Variants in ZNF804B observed in about 807,000 individuals in gnomAD.
ZNF804B encodes the protein zinc finger 804B.
A neutral mutation model predicts 101.4 loss-of-function variants in ZNF804B; 80 were observed. That is an observed-to-expected ratio of 0.79 (90% CI 0.66 to 0.95). ZNF804B has a LOEUF of 0.95. ZNF804B is among the 40% of genes least tolerant of loss of function. ZNF804B has a pLI of 0.00. For missense variants in ZNF804B, 1,673 were observed against 1,561.9 expected (o/e 1.07, Z -1.20); for synonymous variants, 622 against 558.8 (o/e 1.11, Z -1.59).
At chr7:88,850,422 C>T (rs1791435541) in intron 1 of ZNF804B, among the ~76,000 whole-genome samples, 2 of 152,086 alleles carry the variant, frequency 1.3e-5, no homozygotes, top group African/African-American at 4.8e-5. Context: ...CGTGATTATT[C>T]AGTAGAGTTC....
intron 1 of ZNF804B, among the ~76,000 whole-genome samples, chr7:89,036,357 A>C (rs1218412417): frequency 6.6e-6 from 1 of 151,852 alleles, no homozygotes; most frequent in Non-Finnish European, 1.5e-5. Context: ...GTGCACAGAC[A>C]AAATGCTTAA....
At chr7:88,814,296 T>G (rs1442362870) in intron 1 of ZNF804B, among the ~76,000 whole-genome samples, 4 of 152,174 alleles carry the variant, frequency 2.6e-5, no homozygotes, top group African/African-American at 9.7e-5. Flanking sequence ...GAATAATGCA[T>G]GAAAGAATGT....
intron 1 of ZNF804B, chr7:88,794,029 G>C (rs1015073548): frequency 1.9e-6 from 1 of 540,398 alleles, no homozygotes; most frequent in Non-Finnish European, 3.0e-6. Context: ...TTAAAGTTTA[G>C]CTCAACATAC....
In ZNF804B at chr7:89,085,049, A is replaced by G. The variant is rs141455393; in HGVS notation, c.109-133106A>G. 3.9e-5 allele frequency among the ~76,000 whole-genome samples: 6 copies of G among 152,056 alleles called. No homozygotes were observed. The East Asian group carries it at 1.2e-3, about 29-fold the overall frequency. On this transcript the variant is annotated intron_variant, in intron 1 of 3. Coordinates refer to ENST00000333190, the MANE Select transcript of ZNF804B (RefSeq NM_181646.5). ...TCAAGGGGACAGACTGTTTCTGTAC[A>G]TGGTTTCATTTTCCTTGAACTTTCT... is the stretch of plus-strand genomic sequence containing the variant.
chr7:89,180,521 C>T (rs1319946694), intron 1 of ZNF804B, among the ~76,000 whole-genome samples: 1 of 151,978 alleles, frequency 6.6e-6, no homozygotes, highest in Non-Finnish European at 1.5e-5. Context: ...TCTTTCAAGG[C>T]AATGGGCTCC....
chr7:89,251,575 T>C (rs1020234652), intron 2 of ZNF804B, among the ~76,000 whole-genome samples: 8 of 152,174 alleles, frequency 5.3e-5, no homozygotes, highest in African/African-American at 1.9e-4. Flanking sequence ...ATGTTATTTT[T>C]CACAGAGCTA....
chr7:88,876,998 G>GA lies in ZNF804B; in HGVS notation c.108+116924dup, dbSNP rs1161171786. ...ACAGGAAATTATACAGAGAATATTTGAAAAAAAAAATATATATATATATAT... is the reference window on the plus strand; with the variant it reads ...ACAGGAAATTATACAGAGAATATTTGAAAAAAAAAAATATATATATATATAT... On this transcript the variant is annotated intron_variant, in intron 1 of 3. Transcript: ENST00000333190. Among the ~76,000 whole-genome samples, 481 of 53,802 alleles carry GA rather than the reference G, an allele frequency of 8.9e-3. 17 individuals are homozygous for GA. Among genetic ancestry groups the GA allele is most frequent in the African/African-American group, 0.039 (337 of 8,630 alleles). The allele number at this position is 53,802 out of a possible 152,430, so 35.3% of individuals were successfully genotyped here.
chr7:89,255,330 C>T (rs1789611242), intron 2 of ZNF804B, among the ~76,000 whole-genome samples: 1 of 152,128 alleles, frequency 6.6e-6, no homozygotes, highest in Non-Finnish European at 1.5e-5. Flanking sequence ...ATGGGGATTA[C>T]AATTCGAGGT....
intron 1 of ZNF804B, among the ~76,000 whole-genome samples, chr7:89,181,570 T>A (rs1287293841): frequency 1.3e-5 from 2 of 152,066 alleles, no homozygotes; most frequent in African/African-American, 4.8e-5. Context: ...TTCTGCGGAA[T>A]GGGGGAGGGG....
chr7:88,776,556 T>TTTC (rs1790143081), intron 1 of ZNF804B, among the ~76,000 whole-genome samples: 1 of 58,488 alleles, frequency 1.7e-5, no homozygotes, highest in Non-Finnish European at 2.6e-5. Flanking sequence ...TCTCGTGGTG[T>TTTC]TTTGTTTTTT....
intron 1 of ZNF804B, among the ~76,000 whole-genome samples, chr7:88,952,390 A>G (rs939499365): frequency 6.6e-6 from 1 of 151,878 alleles, no homozygotes; most frequent in Non-Finnish European, 1.5e-5. Context: ...ATAACCATGC[A>G]TGGGACCAAG....
intron 1 of ZNF804B, among the ~76,000 whole-genome samples, chr7:89,055,165 C>T (rs550867503): frequency 6.6e-6 from 1 of 151,998 alleles, no homozygotes; most frequent in Non-Finnish European, 1.5e-5. Context: ...CAAGAAAGTT[C>T]GGTTATGGGG....
At chr7:89,170,739 T>C (rs1791211154) in intron 1 of ZNF804B, among the ~76,000 whole-genome samples, 1 of 152,214 alleles carries the variant, frequency 6.6e-6, no homozygotes, top group South Asian at 2.1e-4. Context: ...CCCATTATAT[T>C]GTTTGAAGCA....
chr7:88,904,026 A>G (rs1792430804), intron 1 of ZNF804B, among the ~76,000 whole-genome samples: 1 of 152,158 alleles, frequency 6.6e-6, no homozygotes. Context: ...ATTCTTTGCC[A>G]TGGCTGATGT....
intron 1 of ZNF804B, among the ~76,000 whole-genome samples, chr7:88,783,870 T>C (rs776633764): frequency 2.6e-5 from 4 of 152,156 alleles, no homozygotes; most frequent in Non-Finnish European, 5.9e-5. Context: ...TTGAAATGCT[T>C]TATCATTTTG....
intron 1 of ZNF804B, among the ~76,000 whole-genome samples, chr7:88,892,068 G>A (rs1038140136): frequency 7.2e-5 from 11 of 152,032 alleles, no homozygotes; most frequent in African/African-American, 2.7e-4. Context: ...AAGATCCTTA[G>A]CATGTGTTAC....
Position 89,298,201 on chromosome 7 carries a change from AGTGT to A in ZNF804B, c.250-29130_250-29127del, listed in dbSNP as rs796540032. On this transcript the variant is annotated intron_variant, in intron 2 of 3. Transcript: ENST00000333190. Reference sequence around the variant, plus strand: ...ATATAGTGTGTATATATATCTATATAGTGTGTGTGTGTGTGTATATATATATATA... The same window carrying A: ...ATATAGTGTGTATATATATCTATATAGTGTGTGTGTGTATATATATATATA... 6.9e-3 allele frequency among the ~76,000 whole-genome samples: 491 copies of A among 71,462 alleles called. 42 individuals carry two copies. In the East Asian group the frequency reaches 0.098, roughly 14 times the overall value. 46.9% of individuals were successfully genotyped at this position (71,462 alleles called of 152,430 possible). A position where few individuals can be genotyped will look rare whatever the true frequency, so the allele number is the denominator to read the frequency against.
At chr7:89,020,441 G>T (rs1186529553) in intron 1 of ZNF804B, among the ~76,000 whole-genome samples, 2 of 151,778 alleles carry the variant, frequency 1.3e-5, no homozygotes, top group Non-Finnish European at 2.9e-5. Context: ...AGTGTAATGG[G>T]GATTTTCTTA....
intron 1 of ZNF804B, among the ~76,000 whole-genome samples, chr7:89,050,965 C>T (rs1224036470): frequency 2.7e-5 from 4 of 147,400 alleles, no homozygotes; most frequent in Admixed American, 6.9e-5. Flanking sequence ...AAATAAACCT[C>T]GTTTTATGAG....
Sources: gnomAD v4.1 joint callset for allele counts (sites outside exome capture counted in the v4.1 genomes callset) on GRCh38, gnomAD v4.1.1 for gene constraint, MANE v1.5 for transcripts, NCBI Gene and HGNC (gene_info 2026-07-23, HGNC 2026-07-21) for gene names.